Variants in ANK1 observed in about 807,000 individuals in gnomAD.
ANK1 encodes the protein ankyrin-1.
Under a neutral mutation model 210.4 loss-of-function variants are expected in ANK1, and 51 were observed. The observed-to-expected ratio is 0.24, with a 90% confidence interval of 0.19 to 0.31. ANK1 has a LOEUF of 0.31. Ranked by LOEUF, ANK1 falls within the 10% of genes least tolerant of loss-of-function variation. The probability of loss-of-function intolerance (pLI) is 1.00; values close to 1 mark genes in which losing one functional copy is unlikely to be tolerated. For missense variants in ANK1, 2,051 were observed against 2,504.4 expected, an observed-to-expected ratio of 0.82 and a Z score of 3.86; for synonymous variants, 967 against 1,025.9, an observed-to-expected ratio of 0.94 and a Z score of 1.10.
At chr8:41,695,814 G>A (rs1431121429) in intron 26 of ANK1, among the ~76,000 whole-genome samples, 3 of 152,376 alleles carry the variant, frequency 2.0e-5, no homozygotes, top group Non-Finnish European at 1.5e-5. Flanking sequence ...CTCCTGGTCA[G>A]GCCTGTCCCC....
At chr8:41,799,256 C>A (rs987459907), upstream of ANK1, among the ~76,000 whole-genome samples, 1 of 152,190 alleles carries the variant, frequency 6.6e-6, no homozygotes, top group Non-Finnish European at 1.5e-5. Context: ...TGATTTCAGA[C>A]AGCCTCCCCG....
Position 41,689,541 on chromosome 8 carries a change from A to G in ANK1, c.4104+686T>C, listed in dbSNP as rs75994476. Among the ~76,000 whole-genome samples, 592 of 152,312 alleles carry G rather than the reference A, an allele frequency of 3.9e-3. 4 individuals are homozygous for G. Among genetic ancestry groups the G allele is most frequent in the African/African-American group, 0.013 (526 of 41,554 alleles). The stretch of plus-strand genomic sequence containing the variant: ...AACCTTGCTTCTTTCCTAGTTTAGC[A>G]TGGAAGGCTAATGATTAAAACAACA... On this transcript the variant is annotated intron_variant, in intron 33 of 42. Coordinates refer to ENST00000289734, the MANE Select transcript of ANK1 (RefSeq NM_000037.4).
At chr8:41,747,563 A>G (rs1377660885) in intron 2 of ANK1, among the ~76,000 whole-genome samples, 1 of 152,160 alleles carries the variant, frequency 6.6e-6, no homozygotes, top group Non-Finnish European at 1.5e-5. Context: ...CACCTTGGTA[A>G]TCAGGTCCTA....
intron 1 of ANK1, among the ~76,000 whole-genome samples, chr8:41,859,334 T>G (rs949077163): frequency 2.0e-5 from 3 of 150,812 alleles, no homozygotes; most frequent in South Asian, 2.1e-4. Flanking sequence ...TTTTGTTTGT[T>G]TGTGTTTGTT....
chr8:41,733,408 C>A (rs937147275), intron 3 of ANK1, among the ~76,000 whole-genome samples: 1 of 152,198 alleles, frequency 6.6e-6, no homozygotes, highest in African/African-American at 2.4e-5. Flanking sequence ...TGATTCCTTA[C>A]TACAGGAATC....
rs912220704 is a variant in ANK1, at chr8:41,774,314, C to T, written c.28-16177G>A. On this transcript the variant is annotated intron_variant, in intron 1 of 42. Transcript: ENST00000289734. Reference sequence around the variant, plus strand: ...ACATGAGTTTAAGCACAATGCTGGCCGCACAACAGAGGCTCCATAAACGTT... The same window carrying T: ...ACATGAGTTTAAGCACAATGCTGGCTGCACAACAGAGGCTCCATAAACGTT... Among the ~76,000 whole-genome samples the T allele has an allele frequency of 3.9e-5, 6 of 152,218 alleles. No individual in the cohort carries two copies. In the East Asian group the frequency reaches 5.8e-4, roughly 15 times the overall value.
intron 39 of ANK1, among the ~76,000 whole-genome samples, chr8:41,666,405 A>G (rs1465929526): frequency 6.6e-6 from 1 of 152,248 alleles, no homozygotes; most frequent in African/African-American, 2.4e-5. Flanking sequence ...GTCACATTCC[A>G]AATGCCTCTC....
chr8:41,734,941 C>G (rs1381848823), intron 2 of ANK1, among the ~76,000 whole-genome samples: 1 of 152,166 alleles, frequency 6.6e-6, no homozygotes, highest in South Asian at 2.1e-4. Flanking sequence ...GCCATCCCAC[C>G]ATTTCAAAGG....
At chr8:41,815,377 A>G (rs1803155550) in intron 1 of ANK1, among the ~76,000 whole-genome samples, 1 of 152,148 alleles carries the variant, frequency 6.6e-6, no homozygotes, top group Admixed American at 6.5e-5. Context: ...AGAAGACTAA[A>G]TTCTAGTTTT....
At chr8:41,849,429 TAGA>T (rs138814890) in intron 1 of ANK1, among the ~76,000 whole-genome samples, 3,900 of 151,874 alleles carry the variant, frequency 0.026, 152 homozygotes, top group African/African-American at 0.09. Flanking sequence ...GAGGCTGAAG[TAGA>T]AGAATTGCTT....
chr8:41,804,317 C>T (rs1850605262), intron 1 of ANK1, among the ~76,000 whole-genome samples: 1 of 152,184 alleles, frequency 6.6e-6, no homozygotes, highest in Non-Finnish European at 1.5e-5. Flanking sequence ...GCAGAAGCCA[C>T]GAGGCTGTCA....
chr8:41,703,450 A>ATATATATATATTTT (rs59985416), intron 20 of ANK1, among the ~76,000 whole-genome samples: 6 of 58,818 alleles, frequency 1.0e-4, no homozygotes, highest in African/African-American at 2.7e-4. Context: ...ATATATATAT[A>ATATATATATATTTT]TTTTTTTTTT....
chr8:41,833,943 G>A (rs1416153047), intron 1 of ANK1, among the ~76,000 whole-genome samples: 2 of 152,172 alleles, frequency 1.3e-5, no homozygotes, highest in Non-Finnish European at 2.9e-5. Flanking sequence ...AAGAGGCTGC[G>A]GAGGGACGGG....
rs761203738 is a variant in ANK1 at position 41,714,212 on chromosome 8, G to C, written c.1744C>G (p.Leu582Val). 4 of 1,529,768 alleles carry C rather than the reference G, an allele frequency of 2.6e-6. No individual in the cohort carries two copies. In the Admixed American group the frequency reaches 5.4e-5, roughly 21 times the overall value. The allele number at this position is 1,529,768 out of a possible 1,614,324, so 94.8% of individuals were successfully genotyped here. A position where few individuals can be genotyped will look rare whatever the true frequency, so the allele number is the denominator to read the frequency against. Residue 582 changes from leucine (L) to valine (V), a missense_variant, in exon 16 of 43, where the codon CTG becomes GTG. Physicochemically the swap from Leu to Val is conservative, Grantham distance 32. Transcript: ENST00000289734. Reference protein sequence around the residue: ...PLHVAVHHNNLDIVKLLLPRG... With the variant: ...PLHVAVHHNNVDIVKLLLPRG... ...GGAAGCAGCAGCTTGACGATGTCCA[G>C]GTTGTTGTGATGGACGGCCACGTGC...
At chr8:41,730,033 C>T (rs1831721966) in intron 3 of ANK1, among the ~76,000 whole-genome samples, 2 of 152,242 alleles carry the variant, frequency 1.3e-5, no homozygotes, top group South Asian at 4.1e-4. Context: ...GTATGTAGTT[C>T]TTTTTACTAA....
At chr8:41,889,079 G>A (rs1441564107) in intron 1 of ANK1, among the ~76,000 whole-genome samples, 1 of 152,194 alleles carries the variant, frequency 6.6e-6, no homozygotes, top group Admixed American at 6.5e-5. Context: ...AGCCTTAAGT[G>A]ATCCTCCCAT....
rs1015124690 is a variant in ANK1 at position 41,838,628 on chromosome 8, C to T, written c.126+57727G>A. Among the ~76,000 whole-genome samples the T allele has an allele frequency of 2.0e-5, 3 of 148,936 alleles. No homozygotes were observed. The East Asian group carries it at 6.0e-4, about 30-fold the overall frequency. On this transcript the variant is annotated intron_variant, in intron 1 of 42. Coordinates refer to the ANK1 transcript ENST00000265709. ...TAAAAATACAAAAATTAGCCAGGTG[C>T]GGTGGTGCGTGCCTGTAATCCCAGC... is the stretch of plus-strand genomic sequence containing the variant.
At chr8:41,688,041 G>C in intron 35 of ANK1, 115 bp downstream of exon 35, 1 of 1,288,784 alleles carries the variant, frequency 7.8e-7, no homozygotes, top group Non-Finnish European at 1.1e-6. Context: ...TCACAAATCA[G>C]ATAACCCACG....
At chr8:41,747,569 T>A (rs1309226971) in intron 2 of ANK1, among the ~76,000 whole-genome samples, 1 of 152,154 alleles carries the variant, frequency 6.6e-6, no homozygotes, top group Admixed American at 6.5e-5. Flanking sequence ...GGTAATCAGG[T>A]CCTAGCATGG....
Sources: allele counts gnomAD v4.1 joint callset (sites outside exome capture counted in the v4.1 genomes callset), GRCh38; gene constraint gnomAD v4.1.1; transcripts MANE v1.5; gene names NCBI Gene and HGNC (gene_info 2026-07-23, HGNC 2026-07-21).